The following MECOM variants were observed in gnomAD, a reference collection of about 807,000 sequenced individuals.
The protein encoded by MECOM is histone-lysine N-methyltransferase MECOM.
Under a neutral mutation model 116.3 loss-of-function variants are expected in MECOM, and 13 were observed. The ratio of observed to expected loss-of-function variants is 0.11; its 90% confidence interval spans 0.07 to 0.18. The LOEUF is 0.18. Among genes scored for constraint, MECOM ranks in the 10% least tolerant of loss-of-function variants. The pLI is 1.00. For missense variants in MECOM, 1,299 were observed against 1,509.0 expected (o/e 0.86, Z 2.31); for synonymous variants, 528 against 535.2 (o/e 0.99, Z 0.19).
intron 2 of MECOM, among the ~76,000 whole-genome samples, chr3:169,219,245 G>A (rs1230983729): frequency 6.6e-6 from 1 of 152,192 alleles, no homozygotes; most frequent in Non-Finnish European, 1.5e-5. Context: ...GGTGGCTCAC[G>A]CCTGTAATCC....
At chr3:169,434,306 G>A (rs1244783800) in intron 1 of MECOM, among the ~76,000 whole-genome samples, 1 of 152,126 alleles carries the variant, frequency 6.6e-6, no homozygotes, top group African/African-American at 2.4e-5. Context: ...TGGCATTGAT[G>A]AAAAACAAAT....
intron 2 of MECOM, among the ~76,000 whole-genome samples, chr3:169,337,734 T>TA (rs796546730): frequency 4.6e-5 from 7 of 152,256 alleles, no homozygotes; most frequent in African/African-American, 1.7e-4. Context: ...TGAATCCTTA[T>TA]AAAAGGGCAT....
intron 2 of MECOM, among the ~76,000 whole-genome samples, chr3:169,203,517 T>C (rs1749482540): frequency 1.3e-5 from 2 of 152,148 alleles, no homozygotes; most frequent in Non-Finnish European, 2.9e-5. Context: ...GAGGTAACAA[T>C]ATAATAATGC....
chr3:169,632,938 A>G (rs1772268885), intron 1 of MECOM, among the ~76,000 whole-genome samples: 1 of 152,204 alleles, frequency 6.6e-6, no homozygotes, highest in Non-Finnish European at 1.5e-5. Flanking sequence ...CACTAGGTTC[A>G]TTGTATCACA....
chr3:169,187,231 T>G (rs1348290597), intron 2 of MECOM, among the ~76,000 whole-genome samples: 2 of 151,912 alleles, frequency 1.3e-5, no homozygotes, highest in Non-Finnish European at 2.9e-5. Context: ...ATTTTAAGAG[T>G]CTCTTCCTGG....
At chr3:169,313,096 C>T (rs2149735289) in intron 2 of MECOM, among the ~76,000 whole-genome samples, 1 of 152,156 alleles carries the variant, frequency 6.6e-6, no homozygotes, top group East Asian at 1.9e-4. Flanking sequence ...AAATGGTTTG[C>T]AAGAACTCAA....
intron 2 of MECOM, among the ~76,000 whole-genome samples, chr3:169,211,814 T>C (rs530954619): frequency 4.6e-5 from 7 of 152,252 alleles, no homozygotes; most frequent in Non-Finnish European, 8.8e-5. Context: ...AGTCCAGACC[T>C]TTGTATCCAG....
intron 1 of MECOM, among the ~76,000 whole-genome samples, chr3:169,455,888 G>C (rs13067106): frequency 1.3e-4 from 20 of 152,214 alleles, no homozygotes; most frequent in Non-Finnish European, 2.8e-4. Context: ...TGCTGTTTGT[G>C]AATGTAGTTC....
chr3:169,545,654 A>G (rs969685277), intron 1 of MECOM, among the ~76,000 whole-genome samples: 1 of 152,190 alleles, frequency 6.6e-6, no homozygotes, highest in African/African-American at 2.4e-5. Context: ...TCTTTCAAAG[A>G]TCACAATAAG....
At chr3:169,186,704 ATCTG>A (rs1324381268) in intron 2 of MECOM, among the ~76,000 whole-genome samples, 1 of 152,148 alleles carries the variant, frequency 6.6e-6, no homozygotes. Context: ...TATGTTAAAA[ATCTG>A]TCTGAGTTTA....
intron 1 of MECOM, among the ~76,000 whole-genome samples, chr3:169,662,082 G>C (rs775490160): frequency 7.9e-5 from 12 of 152,244 alleles, no homozygotes; most frequent in Non-Finnish European, 1.5e-4. Context: ...TCCTGGCGGA[G>C]CATCACACCG....
chr3:169,155,910 C>T (rs1741891358), intron 2 of MECOM, among the ~76,000 whole-genome samples: 1 of 152,148 alleles, frequency 6.6e-6, no homozygotes, highest in African/African-American at 2.4e-5. Context: ...TCATCAAGCT[C>T]CTGCAAAGCC....
chr3:169,387,244 C>T (rs1308778075), intron 1 of MECOM, among the ~76,000 whole-genome samples: 1 of 152,096 alleles, frequency 6.6e-6, no homozygotes, highest in Non-Finnish European at 1.5e-5. Context: ...GAGTGATTTA[C>T]TGCTGAGTGA....
intron 1 of MECOM, among the ~76,000 whole-genome samples, chr3:169,424,640 C>T (rs1366216111): frequency 1.3e-5 from 2 of 152,160 alleles, no homozygotes; most frequent in South Asian, 4.1e-4. Flanking sequence ...CCTCACAGAG[C>T]TGCCTTTATT....
At chr3:169,302,201 A>C (rs532659835) in intron 2 of MECOM, among the ~76,000 whole-genome samples, 2 of 152,366 alleles carry the variant, frequency 1.3e-5, no homozygotes, top group Admixed American at 6.5e-5. Flanking sequence ...AGAGAAAAGG[A>C]AGACACATGT....
At chr3:169,085,527 T>C (rs570761592) in intron 16 of MECOM, among the ~76,000 whole-genome samples, 78 of 152,304 alleles carry the variant, frequency 5.1e-4, no homozygotes, top group African/African-American at 1.8e-3. Context: ...TTGCCCAAAG[T>C]CACTCAATTA....
At chr3:169,534,428 G>A (rs544496963) in intron 1 of MECOM, among the ~76,000 whole-genome samples, 7 of 152,226 alleles carry the variant, frequency 4.6e-5, no homozygotes, top group East Asian at 1.9e-4. Flanking sequence ...TCCTGTTTAC[G>A]CTTAGTATCC....
At chr3:169,377,246 C>G (rs557330916) in intron 2 of MECOM, among the ~76,000 whole-genome samples, 23 of 152,256 alleles carry the variant, frequency 1.5e-4, no homozygotes, top group African/African-American at 4.8e-4. Flanking sequence ...CTAGGCAATA[C>G]CATCCAGGAC....
intron 5 of MECOM, 128 bp from the exon 6 acceptor site, chr3:169,122,855 G>A: frequency 9.5e-7 from 1 of 1,051,654 alleles, no homozygotes; most frequent in Non-Finnish European, 1.4e-6. Context: ...AAGGAGGGAA[G>A]AGCAGAAACA....
Sources: allele counts gnomAD v4.1 joint callset (sites outside exome capture counted in the v4.1 genomes callset), GRCh38; gene constraint gnomAD v4.1.1; transcripts MANE v1.5; gene names NCBI Gene and HGNC (gene_info 2026-07-23, HGNC 2026-07-21).